The following TNKS2 variants were observed in gnomAD, a reference collection of about 807,000 sequenced individuals.
TNKS2 encodes poly [ADP-ribose] polymerase tankyrase-2.
A neutral mutation model predicts 137.6 loss-of-function variants in TNKS2; 72 were observed. The ratio of observed to expected loss-of-function variants is 0.52; its 90% CI spans 0.43 to 0.64. TNKS2 has a LOEUF of 0.64. Ranked by LOEUF, TNKS2 falls within the 30% of genes least tolerant of loss-of-function variation. The pLI, the probability that TNKS2 is intolerant of heterozygous loss-of-function variation, is 0.00. For synonymous variants in TNKS2, 516 were observed against 512.1 expected, an observed-to-expected ratio of 1.01 and a Z score of -0.10; for missense variants, 1,049 against 1,410.2, an observed-to-expected ratio of 0.74 and a Z score of 4.10.
intron 1 of TNKS2, among the ~76,000 whole-genome samples, chr10:91,801,520 C>CT (rs2133580999): frequency 6.6e-6 from 1 of 151,674 alleles, no homozygotes; most frequent in South Asian, 2.1e-4. Flanking sequence ...GTCTCCCAGG[C>CT]TGGAGTGCAG....
intron 1 of TNKS2, among the ~76,000 whole-genome samples, chr10:91,803,119 C>G (rs925417709): frequency 2.0e-5 from 3 of 152,224 alleles, no homozygotes; most frequent in Non-Finnish European, 4.4e-5. Context: ...GACAGTATGT[C>G]TATCCCAAGT....
chr10:91,848,261 T>A, intron 18 of TNKS2, 122 bp from the exon 19 acceptor site: 1 of 1,066,174 alleles, frequency 9.4e-7, no homozygotes, highest in Non-Finnish European at 1.3e-6. Context: ...TGAATAATCC[T>A]CCATTGTGAT....
intron 1 of TNKS2, among the ~76,000 whole-genome samples, chr10:91,810,669 A>ATT (rs989411678): frequency 1.4e-5 from 2 of 141,730 alleles, no homozygotes; most frequent in African/African-American, 5.1e-5. Flanking sequence ...CGCCCAGCTA[A>ATT]TTTTTTTTTT....
chr10:91,853,832 T>C (rs1842626911), intron 21 of TNKS2, among the ~76,000 whole-genome samples: 2 of 152,232 alleles, frequency 1.3e-5, no homozygotes, highest in Non-Finnish European at 2.9e-5. Flanking sequence ...AGAATAGTGC[T>C]CTTCATCTCC....
chr10:91,844,631 CAATAT>C (rs1208047642), intron 16 of TNKS2, among the ~76,000 whole-genome samples: 3 of 152,052 alleles, frequency 2.0e-5, no homozygotes, highest in African/African-American at 7.2e-5. Context: ...GCAAATCAGT[CAATAT>C]AATTTTGGGA....
intron 1 of TNKS2, among the ~76,000 whole-genome samples, chr10:91,812,166 C>T (rs558863056): frequency 6.6e-6 from 1 of 152,064 alleles, no homozygotes; most frequent in Non-Finnish European, 1.5e-5. Flanking sequence ...TTAACATATG[C>T]CTGAAAGCCT....
chr10:91,840,410 T>G (rs1014457948), intron 13 of TNKS2, 151 bp from the exon 14 acceptor site: 12 of 639,364 alleles, frequency 1.9e-5, no homozygotes, highest in Non-Finnish European at 2.6e-5. Context: ...AATGACAAGG[T>G]GAAATAAGAA....
chr10:91,807,286 T>C, intron 1 of TNKS2: 15 of 1,612,972 alleles, frequency 9.3e-6, no homozygotes, highest in Non-Finnish European at 1.3e-5. Context: ...TGGTCTGTTT[T>C]ATACACCAAA....
At chr10:91,859,433 T>G (rs1357163986) in intron 24 of TNKS2, 29 bp from the exon 25 acceptor site, 1 of 1,413,424 alleles carries the variant, frequency 7.1e-7, no homozygotes. Flanking sequence ...AAATTTTAAA[T>G]TATTGTTACC....
intron 18 of TNKS2, among the ~76,000 whole-genome samples, chr10:91,847,410 A>G (rs901310901): frequency 1.3e-5 from 2 of 152,048 alleles, no homozygotes; most frequent in African/African-American, 2.4e-5. Context: ...TGTCACCCAG[A>G]CTGTAGTGCA....
At chr10:91,829,667 TCTC>T (rs1011996260) in intron 9 of TNKS2, among the ~76,000 whole-genome samples, 2 of 152,208 alleles carry the variant, frequency 1.3e-5, no homozygotes, top group African/African-American at 4.8e-5. Flanking sequence ...GGAACTATGT[TCTC>T]CAATTAGAAT....
intron 8 of TNKS2, 36 bp from the exon 9 acceptor site, chr10:91,828,249 A>G (rs189078147): frequency 1.0e-5 from 15 of 1,463,256 alleles, no homozygotes; most frequent in African/African-American, 8.8e-5. Flanking sequence ...TTCAATTTGA[A>G]CTCGTTATAC....
intron 6 of TNKS2, 146 bp downstream of exon 6, chr10:91,820,179 A>G (rs973459669): frequency 3.1e-5 from 14 of 456,084 alleles, no homozygotes; most frequent in African/African-American, 1.8e-4. Flanking sequence ...CTGAGGGCGC[A>G]GGAAATTATA....
intron 7 of TNKS2, among the ~76,000 whole-genome samples, chr10:91,825,824 A>G (rs1168822638): frequency 6.6e-6 from 1 of 152,280 alleles, no homozygotes; most frequent in African/African-American, 2.4e-5. Flanking sequence ...ATATGTAGCA[A>G]CTGGAACTCA....
chr10:91,810,034 G>A (rs540072751), intron 1 of TNKS2, among the ~76,000 whole-genome samples: 1 of 152,226 alleles, frequency 6.6e-6, no homozygotes, highest in East Asian at 1.9e-4. Flanking sequence ...TAGGCATTGG[G>A]TATTTAGCAG....
intron 25 of TNKS2, among the ~76,000 whole-genome samples, chr10:91,860,658 T>G (rs1000090560): frequency 6.6e-6 from 1 of 152,214 alleles, no homozygotes; most frequent in Admixed American, 6.5e-5. Flanking sequence ...ATTAGAATTT[T>G]TAAAAGCTTC....
rs1842865295 is a variant in TNKS2, at chr10:91,861,977, TCTTTTC to T, written c.3282-15_3282-10del. The T allele has an allele frequency of 1.3e-6, 2 of 1,597,492 alleles. No individual in the cohort carries two copies. Among genetic ancestry groups the T allele is most frequent in the African/African-American group, 2.7e-5 (2 of 74,246 alleles). Reference sequence around the variant, plus strand: ...TGTATCAAATTTGACTTCAGGGTGATCTTTTCCTTTTCGTTTTATAGGCAGCTGCTC... The same window carrying T: ...TGTATCAAATTTGACTTCAGGGTGATCTTTTCGTTTTATAGGCAGCTGCTC... On this transcript the variant is annotated splice_polypyrimidine_tract_variant and intron_variant, in intron 25 of 26. Transcript: ENST00000371627.
In TNKS2 at chr10:91,813,221, C is replaced by T. The variant is rs767221483; in HGVS notation, c.424+14C>T. On this transcript the variant is annotated intron_variant, in intron 2 of 26. Transcript: ENST00000371627. ...ATGTTTGCATTGGTAAGACTGTTTACTTTTCCGACTTTTACTAATGTTGTA... is the reference window on the plus strand; with the variant it reads ...ATGTTTGCATTGGTAAGACTGTTTATTTTTCCGACTTTTACTAATGTTGTA... 1 of 1,600,270 alleles carries T rather than the reference C, an allele frequency of 6.2e-7. No individual in the cohort carries two copies. The highest frequency in any genetic ancestry group is 8.6e-7 in the Non-Finnish European group (1 of 1,168,236).
At chr10:91,824,936 AAATTAT>A (rs1255256723) in intron 7 of TNKS2, among the ~76,000 whole-genome samples, 2 of 152,202 alleles carry the variant, frequency 1.3e-5, no homozygotes, top group Non-Finnish European at 2.9e-5. Flanking sequence ...TTTTAAGTAT[AAATTAT>A]AATGTGACAA....
Sources: allele counts gnomAD v4.1 joint callset (sites outside exome capture counted in the v4.1 genomes callset), GRCh38; gene constraint gnomAD v4.1.1; transcripts MANE v1.5; gene names NCBI Gene and HGNC (gene_info 2026-07-23, HGNC 2026-07-21).